The following ARK2C variants were observed in gnomAD, a reference collection of about 807,000 sequenced individuals.
The protein encoded by ARK2C is E3 ubiquitin-protein ligase ARK2C.
chr18:46,392,818 C>T, the ARK2C span, among the ~76,000 whole-genome samples: 1 of 152,198 alleles, frequency 6.6e-6, no homozygotes, highest in Non-Finnish European at 1.5e-5. Context: ...ACCGCTCCTG[C>T]ACCCAGGAGG....
chr18:46,359,278 AGAGG>A, the ARK2C span, among the ~76,000 whole-genome samples: 1 of 151,902 alleles, frequency 6.6e-6, no homozygotes, highest in Non-Finnish European at 1.5e-5. Context: ...CTGCTGGGAG[AGAGG>A]GATCTTATGT....
chr18:46,411,645 G>A, the ARK2C span, among the ~76,000 whole-genome samples: 1 of 152,196 alleles, frequency 6.6e-6, no homozygotes, highest in African/African-American at 2.4e-5. Context: ...ATCCCAGGGA[G>A]GGGCACTTGG....
At chr18:46,445,329 C>G in the ARK2C span, among the ~76,000 whole-genome samples, 1 of 152,144 alleles carries the variant, frequency 6.6e-6, no homozygotes, top group African/African-American at 2.4e-5. Flanking sequence ...AAATAAGTCT[C>G]AAAAGGCTCT....
chr18:46,334,244 C>T, the ARK2C span: 18 of 1,120,416 alleles, frequency 1.6e-5, no homozygotes, highest in African/African-American at 3.0e-4. The surrounding 1 kb of genome is among the most constrained non-coding windows in gnomAD (Gnocchi z 4.4). Context: ...CGCGCGCAGC[C>T]GCCGCCGCCG....
the ARK2C span, among the ~76,000 whole-genome samples, chr18:46,338,642 G>A: frequency 2.0e-5 from 3 of 152,062 alleles, no homozygotes; most frequent in Admixed American, 6.5e-5. Context: ...TTACACTGGA[G>A]AAGCCAGTGG....
the ARK2C span, among the ~76,000 whole-genome samples, chr18:46,343,436 A>G: frequency 6.6e-6 from 1 of 152,234 alleles, no homozygotes; most frequent in African/African-American, 2.4e-5. Context: ...GACTCGTCAC[A>G]TGAAGTAATG....
At chr18:46,342,044 G>C in the ARK2C span, among the ~76,000 whole-genome samples, 1 of 152,122 alleles carries the variant, frequency 6.6e-6, no homozygotes, top group African/African-American at 2.4e-5. Context: ...TCTCAAGATT[G>C]GTCCTGTCTG....
the ARK2C span, among the ~76,000 whole-genome samples, chr18:46,347,944 A>C: frequency 6.6e-6 from 1 of 152,146 alleles, no homozygotes; most frequent in Admixed American, 6.5e-5. Flanking sequence ...TGGGGGACAC[A>C]AGGATAATAA....
chr18:46,334,145 C>T, the ARK2C span: 1 of 326,746 alleles, frequency 3.1e-6, no homozygotes, highest in Non-Finnish European at 4.3e-6. The surrounding 1 kb of genome is among the most constrained non-coding windows in gnomAD (Gnocchi z 4.4). Context: ...CACCGCCGCC[C>T]GCGCCCCGCG....
chr18:46,435,428 G>T, the ARK2C span: 1 of 1,516,216 alleles, frequency 6.6e-7, no homozygotes. Context: ...GGGAGGAAGG[G>T]AGGAAGGGAG....
the ARK2C span, among the ~76,000 whole-genome samples, chr18:46,449,960 T>C: frequency 2.0e-5 from 3 of 152,144 alleles, no homozygotes; most frequent in Non-Finnish European, 4.4e-5. Context: ...ACATAATCTA[T>C]TGTACCTCAT....
At chr18:46,405,273 TAG>T in the ARK2C span, among the ~76,000 whole-genome samples, 2 of 152,050 alleles carry the variant, frequency 1.3e-5, no homozygotes, top group African/African-American at 2.4e-5. Context: ...CCAGAAATAG[TAG>T]AGTCTCTGGG....
chr18:46,366,906 G>T, the ARK2C span, among the ~76,000 whole-genome samples: 9 of 152,190 alleles, frequency 5.9e-5, no homozygotes, highest in African/African-American at 1.2e-4. Flanking sequence ...TCCAGCAAAA[G>T]GTCTTCTGTG....
At chr18:46,451,341 G>C in the ARK2C span, among the ~76,000 whole-genome samples, 2 of 152,004 alleles carry the variant, frequency 1.3e-5, no homozygotes, top group African/African-American at 2.4e-5. Flanking sequence ...TAAGAACTAG[G>C]AATCTAGGAT....
At chr18:46,450,779 T>C in the ARK2C span, 3 of 1,613,576 alleles carry the variant, frequency 1.9e-6, no homozygotes, top group South Asian at 3.3e-5. Flanking sequence ...GAGGTTCACC[T>C]TCCCCCACAA....
the ARK2C span, among the ~76,000 whole-genome samples, chr18:46,392,337 C>T: frequency 6.6e-6 from 1 of 152,268 alleles, no homozygotes; most frequent in Non-Finnish European, 1.5e-5. Context: ...TAATTAGATT[C>T]AGCTCAGGGT....
At chr18:46,417,306 C>A in the ARK2C span, among the ~76,000 whole-genome samples, 1 of 152,174 alleles carries the variant, frequency 6.6e-6, no homozygotes, top group Non-Finnish European at 1.5e-5. Context: ...GCTCAGATAC[C>A]CTCCTCAGAG....
the ARK2C span, chr18:46,435,469 G>A: frequency 8.3e-7 from 1 of 1,202,844 alleles, no homozygotes; most frequent in Non-Finnish European, 1.2e-6. Context: ...GATCTGTGGA[G>A]TTTCTGTTTT....
chr18:46,344,197 G>C, the ARK2C span, among the ~76,000 whole-genome samples: 4 of 152,226 alleles, frequency 2.6e-5, no homozygotes, highest in East Asian at 7.7e-4. Context: ...CCAGCCTGCA[G>C]GTGGAGAGGG....
Sources: gnomAD v4.1 joint callset for allele counts (sites outside exome capture counted in the v4.1 genomes callset) on GRCh38, gnomAD v4.1.1 for gene constraint, Gnocchi (gnomAD v3.1) non-coding constraint, MANE v1.5 for transcripts, NCBI Gene and HGNC (gene_info 2026-07-23, HGNC 2026-07-21) for gene names.